Variants in CDC37L1 observed in about 807,000 individuals in gnomAD.
CDC37L1 encodes the protein cell division cycle 37 like 1, HSP90 cochaperone.
In CDC37L1, 32 loss-of-function variants were observed where a neutral mutation model predicts 45.9. The observed-to-expected ratio is 0.70, with a 90% CI of 0.53 to 0.94. The LOEUF (loss-of-function observed/expected upper bound fraction) is 0.94. Among genes scored for constraint, CDC37L1 ranks in the 40% least tolerant of loss-of-function variants. The pLI, the probability that CDC37L1 is intolerant of heterozygous loss-of-function variation, is 0.00. For missense variants in CDC37L1, 434 were observed against 405.7 expected, an observed-to-expected ratio of 1.07 and a Z score of -0.60; for synonymous variants, 150 against 133.0, an observed-to-expected ratio of 1.13 and a Z score of -0.88.
intron 3 of CDC37L1, among the ~76,000 whole-genome samples, chr9:4,693,513 T>C (rs1841320573): frequency 6.6e-6 from 1 of 151,928 alleles, no homozygotes; most frequent in South Asian, 2.1e-4. Context: ...GAAAGGGAAA[T>C]CAGTAATAAG....
At chr9:4,703,033 A>T in intron 6 of CDC37L1, 1 of 1,508,608 alleles carries the variant, frequency 6.6e-7, no homozygotes, top group Non-Finnish European at 8.9e-7. Context: ...ATTCCTACCC[A>T]TTTGATTTTA....
intron 3 of CDC37L1, among the ~76,000 whole-genome samples, chr9:4,691,055 T>G (rs529395434): frequency 6.6e-6 from 1 of 152,204 alleles, no homozygotes; most frequent in South Asian, 2.1e-4. Flanking sequence ...CAGTGAAAAT[T>G]TGTGGCTATG....
chr9:4,684,981 T>C lies in CDC37L1; in HGVS notation c.237T>C (p.Gly79=), dbSNP rs1485820735. Residue 79 remains glycine (G), a synonymous_variant, in exon 2 of 7, where the codon GGT becomes GGC. Coordinates refer to ENST00000381854, the MANE Select transcript of CDC37L1 (RefSeq NM_017913.4). ...WNLAEAQQKL[G]SLALHNSESL... ...TTGCTGAAGCTCAACAGAAACTTGG[T>C]AGCTTAGCACTGCATAATTCTGAGT... 1 of 1,613,928 alleles carries C rather than the reference T, an allele frequency of 6.2e-7. No individual in the cohort carries two copies. The highest frequency in any genetic ancestry group is 8.5e-7 in the Non-Finnish European group (1 of 1,179,910).
chr9:4,703,158 A>G (rs1841415604), intron 6 of CDC37L1: 6 of 1,493,628 alleles, frequency 4.0e-6, no homozygotes, highest in Non-Finnish European at 5.4e-6. Context: ...AGTCTTATTC[A>G]AAAGACAATG....
intron 5 of CDC37L1, among the ~76,000 whole-genome samples, chr9:4,701,167 A>C (rs1205160387): frequency 6.6e-6 from 1 of 152,202 alleles, no homozygotes; most frequent in Non-Finnish European, 1.5e-5. Flanking sequence ...CCTGCATTCT[A>C]TTGGTAGGAT....
intron 3 of CDC37L1, among the ~76,000 whole-genome samples, chr9:4,689,641 A>G (rs1011875750): frequency 9.8e-5 from 15 of 152,352 alleles, no homozygotes; most frequent in Non-Finnish European, 2.2e-4. Flanking sequence ...TTTTCTACAT[A>G]TAATCAATGT....
intron 2 of CDC37L1, chr9:4,685,594 A>C (rs1294165698): frequency 6.3e-6 from 1 of 158,534 alleles, no homozygotes; most frequent in African/African-American, 2.4e-5. Context: ...AAGTAGAGTG[A>C]CTTGATAACT....
intron 5 of CDC37L1, among the ~76,000 whole-genome samples, chr9:4,700,791 A>G (rs1350314509): frequency 6.6e-6 from 1 of 152,216 alleles, no homozygotes; most frequent in Non-Finnish European, 1.5e-5. Flanking sequence ...GGGTGAAGAA[A>G]TTGGCATAAA....
intron 1 of CDC37L1, among the ~76,000 whole-genome samples, chr9:4,683,879 G>C (rs2130842768): frequency 6.6e-6 from 1 of 152,258 alleles, no homozygotes; most frequent in African/African-American, 2.4e-5. Flanking sequence ...AGGAATATAG[G>C]GTATTGAATG....
rs1396571760 is a variant in CDC37L1 at position 4,703,153 on chromosome 9, T to C, written c.912+1125T>C. The C allele has an allele frequency of 4.0e-6, 6 of 1,499,098 alleles. No homozygotes were observed. The African/African-American group carries it at 8.5e-5, about 21-fold the overall frequency. The allele number at this position is 1,499,098 out of a possible 1,614,324, so 92.9% of individuals were successfully genotyped here. A position where few individuals can be genotyped will look rare whatever the true frequency, so the allele number is the denominator to read the frequency against. ...GTCTACATTGTGAGAAGGAAAGTCT[T>C]ATTCAAAAGACAATGTGAGGAGAGT... On this transcript the variant is annotated intron_variant, in intron 6 of 6. Transcript: ENST00000381854.
intron 2 of CDC37L1, among the ~76,000 whole-genome samples, chr9:4,686,130 C>G (rs988389987): frequency 6.6e-6 from 1 of 152,172 alleles, no homozygotes; most frequent in Admixed American, 6.5e-5. Flanking sequence ...GAGATCGTGC[C>G]ACTACACTCC....
At chr9:4,686,647 T>A (rs905741772) in intron 2 of CDC37L1, among the ~76,000 whole-genome samples, 5 of 152,258 alleles carry the variant, frequency 3.3e-5, no homozygotes, top group African/African-American at 1.2e-4. Flanking sequence ...GTTCTAAGGT[T>A]CTAAGACAGC....
At chr9:4,684,793 A>G in intron 1 of CDC37L1, 84 bp from the exon 2 acceptor site, 2 of 959,226 alleles carry the variant, frequency 2.1e-6, no homozygotes, top group Non-Finnish European at 3.1e-6. Context: ...TTGTACAGAA[A>G]TCCTTTGAAT....
chr9:4,682,895 T>C (rs1841209600), intron 1 of CDC37L1, among the ~76,000 whole-genome samples: 1 of 150,776 alleles, frequency 6.6e-6, no homozygotes, highest in Non-Finnish European at 1.5e-5. Flanking sequence ...TTCTTGATCC[T>C]ATTCTAAGAT....
At position 4,679,830 on chromosome 9, in the gene CDC37L1, G is replaced by A. The variant is rs774003377; in HGVS notation, c.63G>A (p.Glu21=). The A allele has an allele frequency of 6.2e-7, 1 of 1,613,976 alleles. No individual in the cohort carries two copies. ...WSLPRAEGEA[E]EESDFDVFPS... is the part of the protein sequence containing the mutation. The stretch of plus-strand genomic sequence containing the variant: ...TCCCTCGGGCCGAGGGTGAGGCTGA[G>A]GAAGAGAGTGACTTCGACGTGTTCC... Residue 21 remains glutamate (E), a synonymous_variant, in exon 1 of 7, where the codon GAG becomes GAA. Transcript: ENST00000381854.
Position 4,706,047 on chromosome 9 carries a change from C to A in CDC37L1, c.949C>A (p.Leu317Ile), listed in dbSNP as rs1193922504. ...TCTTCAGTATTCTATCAGTACAGCT[C>A]TCTGCAGCTTAAACTCGGTGGTACA... ...DYLQYSISTA[L>I]CSLNSVVHKE... The change falls in exon 7 of 7, where the codon CTC (leucine) becomes ATC (isoleucine). Residue 317 changes from leucine to isoleucine, a missense_variant. Transcript: ENST00000381854. 6.2e-7 allele frequency: 1 copy of A among 1,601,480 alleles called. No homozygotes were observed. Among genetic ancestry groups the A allele is most frequent in the Non-Finnish European group, 8.6e-7 (1 of 1,168,700 alleles).
intron 5 of CDC37L1, among the ~76,000 whole-genome samples, chr9:4,698,500 TTCACAC>T (rs572313133): frequency 3.2e-4 from 49 of 151,270 alleles, no homozygotes; most frequent in African/African-American, 1.2e-3. Flanking sequence ...TTAAGTACCT[TTCACAC>T]TCACAAGATT....
In CDC37L1 at chr9:4,707,526, A is replaced by C. The variant is rs1841455068; in HGVS notation, c.*1414A>C. 6.6e-6 allele frequency: 1 copy of C among 152,218 alleles called. No individual in the cohort carries two copies. The highest frequency in any genetic ancestry group is 1.5e-5 in the Non-Finnish European group (1 of 68,034). 9.4% of individuals were successfully genotyped at this position (152,218 alleles called of 1,614,324 possible). On this transcript the variant is annotated 3_prime_UTR_variant, in exon 7 of 7. Transcript: ENST00000381854. ...GTATCTTGTTTTCGCTGAGGTGATC[A>C]GACACTTAGTACCCTAGAAATGGAC...
In CDC37L1 at chr9:4,679,732, G is replaced by T; in HGVS notation, c.-36G>T. 1.9e-6 allele frequency: 3 copies of T among 1,592,788 alleles called. No homozygotes were observed. Among genetic ancestry groups the T allele is most frequent in the Non-Finnish European group, 2.6e-6 (3 of 1,167,708 alleles). On this transcript the variant is annotated 5_prime_UTR_variant, in exon 1 of 7. Coordinates refer to ENST00000381854, the MANE Select transcript of CDC37L1 (RefSeq NM_017913.4). ...AGTCTGTTGGCAGTGGCAGTTGTAG[G>T]GCCAAGGGCGGTTGTAGGACCCGGA... is the stretch of plus-strand genomic sequence containing the variant.
Sources: gnomAD v4.1 joint callset for allele counts (sites outside exome capture counted in the v4.1 genomes callset) on GRCh38, gnomAD v4.1.1 for gene constraint, MANE v1.5 for transcripts, NCBI Gene and HGNC (gene_info 2026-07-23, HGNC 2026-07-21) for gene names.